Variants in RAB27B observed in about 807,000 individuals in gnomAD.
The protein encoded by RAB27B is RAB27B, member RAS oncogene family, also known as ras-related protein Rab-27B.
RAB27B carries 15 observed loss-of-function variants against 24.6 expected under a neutral mutation model. That is an observed-to-expected ratio of 0.61 (90% CI 0.41 to 0.94). The LOEUF (loss-of-function observed/expected upper bound fraction) is 0.94. Ranked by LOEUF, RAB27B falls within the 40% of genes least tolerant of loss-of-function variation. The pLI, the probability that RAB27B is intolerant of heterozygous loss-of-function variation, is 0.00. For missense variants in RAB27B, 261 were observed against 266.8 expected (o/e 0.98, Z 0.15); for synonymous variants, 105 against 92.5 (o/e 1.14, Z -0.78).
Position 54,739,655 on chromosome 18 carries a change from T to A in RAB27B, c.-20+21514T>A, listed in dbSNP as rs187378746. Among the ~76,000 whole-genome samples, 1,168 of 152,134 alleles carry A rather than the reference T, an allele frequency of 7.7e-3. 23 individuals are homozygous for A. The highest frequency in any genetic ancestry group is 0.027 in the African/African-American group (1,109 of 41,516). On this transcript the variant is annotated intron_variant, in intron 2 of 4. Coordinates refer to the RAB27B transcript ENST00000586570. The stretch of plus-strand genomic sequence containing the variant: ...TCTTGGTGAATACCTAAGAGTGGAA[T>A]GGCTGAGCCACATGCTAAGTGTACA...
intron 3 of RAB27B, among the ~76,000 whole-genome samples, chr18:54,882,490 G>A (rs1235828951): frequency 1.3e-5 from 2 of 152,196 alleles, no homozygotes; most frequent in South Asian, 4.1e-4. Context: ...ACATAGGCAG[G>A]CCCACCAGGA....
chr18:54,853,006 C>T (rs1005006814), intron 1 of RAB27B, among the ~76,000 whole-genome samples: 2 of 152,104 alleles, frequency 1.3e-5, no homozygotes, highest in African/African-American at 4.8e-5. Flanking sequence ...TATTATCTTC[C>T]AGTAATTTGA....
rs552928680 is a variant in RAB27B at position 54,831,436 on chromosome 18, G to A, written c.-20+2736G>A. Among the ~76,000 whole-genome samples the A allele has an allele frequency of 8.0e-4, 122 of 152,224 alleles. 1 individual carries two copies. The highest frequency in any genetic ancestry group is 2.9e-3 in the African/African-American group (122 of 41,570). On this transcript the variant is annotated intron_variant, in intron 1 of 5. Transcript: ENST00000262094. ...CTTTGAAGGTCCTAATGAACATGTT[G>A]GCCTTTGTTTTTTATTCCAAGTAAA...
chr18:54,736,058 C>T (rs1338673226), intron 2 of RAB27B, among the ~76,000 whole-genome samples: 2 of 152,048 alleles, frequency 1.3e-5, no homozygotes, highest in African/African-American at 4.8e-5. Context: ...ACTTGGTTTA[C>T]TTGGTTTCAT....
At chr18:54,736,233 A>G (rs1909888478) in intron 2 of RAB27B, among the ~76,000 whole-genome samples, 1 of 152,180 alleles carries the variant, frequency 6.6e-6, no homozygotes, top group South Asian at 2.1e-4. Flanking sequence ...TTATTTTTCT[A>G]TGCTCGATTA....
chr18:54,888,405 CAGAG>C (rs1437414494), intron 5 of RAB27B, among the ~76,000 whole-genome samples: 2 of 152,082 alleles, frequency 1.3e-5, no homozygotes, highest in Non-Finnish European at 2.9e-5. Flanking sequence ...AATTGAGTCA[CAGAG>C]AGATTAAGTA....
intron 2 of RAB27B, among the ~76,000 whole-genome samples, chr18:54,773,270 A>G (rs1238080422): frequency 1.3e-5 from 2 of 152,228 alleles, no homozygotes; most frequent in Non-Finnish European, 2.9e-5. Flanking sequence ...AGGGATGCCC[A>G]TTCTCTTCAA....
chr18:54,745,852 A>C (rs1910226623), intron 2 of RAB27B, among the ~76,000 whole-genome samples: 1 of 146,678 alleles, frequency 6.8e-6, no homozygotes, highest in Non-Finnish European at 1.5e-5. Flanking sequence ...ATTATTATTT[A>C]TAATATTTAA....
At chr18:54,782,038 A>G (rs1452762442) in intron 2 of RAB27B, among the ~76,000 whole-genome samples, 5 of 152,218 alleles carry the variant, frequency 3.3e-5, no homozygotes, top group Non-Finnish European at 5.9e-5. Flanking sequence ...TTTTATTCTG[A>G]AGTATAAAGA....
chr18:54,847,968 A>G (rs1275782324), intron 1 of RAB27B, among the ~76,000 whole-genome samples: 2 of 152,250 alleles, frequency 1.3e-5, no homozygotes, highest in Admixed American at 6.5e-5. Flanking sequence ...GTGCAGCCAC[A>G]TGGTGGAAGA....
At chr18:54,773,092 A>G (rs1286983874) in intron 2 of RAB27B, among the ~76,000 whole-genome samples, 1 of 151,706 alleles carries the variant, frequency 6.6e-6, no homozygotes, top group Admixed American at 6.6e-5. Context: ...TTTTTGGTTC[A>G]TTTGGCAAAG....
intron 2 of RAB27B, among the ~76,000 whole-genome samples, chr18:54,755,690 C>T (rs567735774): frequency 1.3e-5 from 2 of 152,288 alleles, no homozygotes; most frequent in Non-Finnish European, 2.9e-5. Context: ...GTGCAAATGC[C>T]TCATCTGACA....
At chr18:54,739,586 A>G (rs1406134549) in intron 2 of RAB27B, among the ~76,000 whole-genome samples, 1 of 139,732 alleles carries the variant, frequency 7.2e-6, no homozygotes, top group African/African-American at 2.7e-5. Context: ...TAAAGTTGCT[A>G]TGACCTTTGA....
intron 1 of RAB27B, among the ~76,000 whole-genome samples, chr18:54,840,079 T>C (rs996150428): frequency 6.6e-6 from 1 of 152,220 alleles, no homozygotes; most frequent in Non-Finnish European, 1.5e-5. Context: ...TCTCTATGGC[T>C]CCTAAAATTC....
intron 2 of RAB27B, among the ~76,000 whole-genome samples, chr18:54,763,007 GCATT>G (rs1472715614): frequency 4.6e-5 from 7 of 152,202 alleles, no homozygotes; most frequent in South Asian, 4.2e-4. Flanking sequence ...TTTACTTAAT[GCATT>G]CATTCATTCA....
At chr18:54,815,233 T>A (rs2145155986) in intron 2 of RAB27B, among the ~76,000 whole-genome samples, 1 of 152,326 alleles carries the variant, frequency 6.6e-6, no homozygotes, top group East Asian at 1.9e-4. Context: ...CAGACTAATC[T>A]TCCATGAAGT....
chr18:54,755,334 G>A (rs1568053766), intron 2 of RAB27B, among the ~76,000 whole-genome samples: 1 of 152,146 alleles, frequency 6.6e-6, no homozygotes, highest in East Asian at 1.9e-4. Flanking sequence ...AGGTTGCAGT[G>A]AGCTGAGATC....
chr18:54,735,469 T>C (rs1012887487), intron 2 of RAB27B, among the ~76,000 whole-genome samples: 1 of 152,080 alleles, frequency 6.6e-6, no homozygotes, highest in African/African-American at 2.4e-5. Context: ...ATGGCCCTTA[T>C]ATGATATTAC....
At chr18:54,797,628 A>G (rs549159520) in intron 2 of RAB27B, among the ~76,000 whole-genome samples, 1 of 152,330 alleles carries the variant, frequency 6.6e-6, no homozygotes, top group African/African-American at 2.4e-5. Flanking sequence ...ATAAACATCT[A>G]TCTGTCTTTA....
Sources: gnomAD v4.1 joint callset for allele counts (sites outside exome capture counted in the v4.1 genomes callset) on GRCh38, gnomAD v4.1.1 for gene constraint, MANE v1.5 for transcripts, NCBI Gene and HGNC (gene_info 2026-07-23, HGNC 2026-07-21) for gene names.